The following TMPRSS4 variants were observed in gnomAD, a reference collection of about 807,000 sequenced individuals.
TMPRSS4 encodes the protein transmembrane serine protease 4, also known as transmembrane protease serine 4.
In TMPRSS4, 45 loss-of-function variants were observed where a neutral mutation model predicts 56.4. That is an observed-to-expected ratio of 0.80 (90% confidence interval 0.63 to 1.02). TMPRSS4 has a LOEUF of 1.02. Ranked by LOEUF, TMPRSS4 falls within the 50% of genes least tolerant of loss-of-function variation. The pLI, the probability that TMPRSS4 is intolerant of heterozygous loss-of-function variation, is 0.00. For synonymous variants in TMPRSS4, 205 were observed against 211.0 expected (o/e 0.97, Z 0.25); for missense variants, 546 against 556.7 (o/e 0.98, Z 0.19).
chr11:118,103,393 T>TTTGTTTGTTTGC (rs768586032), intron 4 of TMPRSS4, 140 bp downstream of exon 4: 1 of 1,159,070 alleles, frequency 8.6e-7, no homozygotes, highest in Non-Finnish European at 1.2e-6. Flanking sequence ...TGTTTGTTTG[T>TTTGTTTGTTTGC]TGTTGTTTTG....
chr11:118,118,337 G>T lies in TMPRSS4; in HGVS notation c.*424G>T, dbSNP rs1947673578. ...CCCATCCCCAAGCCTACTAGAGCAA[G>T]AAACCAGTTGTAATATAAAATGCAC... is the stretch of plus-strand genomic sequence containing the variant. On this transcript the variant is annotated 3_prime_UTR_variant, in exon 13 of 13. Coordinates refer to ENST00000437212, the MANE Select transcript of TMPRSS4 (RefSeq NM_019894.4). The T allele has an allele frequency of 1.9e-6, 2 of 1,043,940 alleles. No individual in the cohort carries two copies. The highest frequency in any genetic ancestry group is 2.3e-6 in the Non-Finnish European group (2 of 868,444). 64.7% of individuals were successfully genotyped at this position (1,043,940 alleles called of 1,614,324 possible).
At chr11:118,117,663 G>T in intron 12 of TMPRSS4, 1 of 985,310 alleles carries the variant, frequency 1.0e-6, no homozygotes, top group South Asian at 4.7e-5. Flanking sequence ...ATACCTTAGG[G>T]AATAGAACAC....
chr11:118,090,544 C>T lies in TMPRSS4; in HGVS notation c.4-4272C>T, dbSNP rs1044807027. Among the ~76,000 whole-genome samples, 16 of 149,082 alleles carry T rather than the reference C, an allele frequency of 1.1e-4. 1 individual carries two copies. The South Asian group carries it at 3.0e-3, about 28-fold the overall frequency. ...GTAATCCCAGAACTTTGGGAGGCTGCGGTGGGCAGATCATTTGAGTCCAGG... is the reference window on the plus strand; with the variant it reads ...GTAATCCCAGAACTTTGGGAGGCTGTGGTGGGCAGATCATTTGAGTCCAGG... On this transcript the variant is annotated intron_variant, in intron 1 of 12. Transcript: ENST00000437212.
At chr11:118,078,161 C>T (rs1051650404) in intron 1 of TMPRSS4, among the ~76,000 whole-genome samples, 2 of 151,852 alleles carry the variant, frequency 1.3e-5, no homozygotes, top group Non-Finnish European at 2.9e-5. Context: ...CTCTGAATAC[C>T]TGGAGCGTCT....
At chr11:118,123,585 C>A (rs570112928), downstream of TMPRSS4, among the ~76,000 whole-genome samples, 32 of 152,218 alleles carry the variant, frequency 2.1e-4, no homozygotes, top group South Asian at 4.6e-3. Flanking sequence ...TGCAGTGGCA[C>A]CATCTCGGCT....
intron 4 of TMPRSS4, among the ~76,000 whole-genome samples, chr11:118,103,973 A>C (rs998397046): frequency 6.6e-6 from 1 of 152,172 alleles, no homozygotes; most frequent in Non-Finnish European, 1.5e-5. Flanking sequence ...GTGTTTGCTG[A>C]GACATGCTAT....
Position 118,114,936 on chromosome 11 carries a change from T to C in TMPRSS4, c.1009+9T>C. ...TACGAAGCAGAATGGAGGTAAGTCC[T>C]GGGTGCAGGACCACAGGGCAGGAGA... On this transcript the variant is annotated intron_variant, in intron 10 of 12. Transcript: ENST00000437212. 2 of 1,593,290 alleles carry C rather than the reference T, an allele frequency of 1.3e-6. No individual in the cohort carries two copies. Among genetic ancestry groups the C allele is most frequent in the Non-Finnish European group, 8.6e-7 (1 of 1,168,984 alleles).
chr11:118,117,322 C>T lies in TMPRSS4; in HGVS notation c.1170C>T (p.Pro390=). The T allele has an allele frequency of 6.2e-7, 1 of 1,614,078 alleles. No individual in the cohort carries two copies. The highest frequency in any genetic ancestry group is 8.5e-7 in the Non-Finnish European group (1 of 1,180,004). Residue 390 remains proline, a synonymous_variant, in exon 12 of 13, where the codon CCC becomes CCT. Transcript: ENST00000437212. ...VDTCQGDSGG[P]LMYQSDQWHV... ...TCTCACAGGGTGACAGTGGTGGGCC[C>T]CTGATGTACCAATCTGACCAGTGGC...
chr11:118,103,202 G>A lies in TMPRSS4; in HGVS notation c.259G>A (p.Glu87Lys). Residue 87 changes from glutamate (E) to lysine (K), a missense_variant, in exon 4 of 13, where the codon GAG becomes AAG. Transcript: ENST00000437212. ...CGGAGAGCTGGACTGTCCCTTGGGGGAGGACGAGGAGCACTGTGTCAAGAG... is the reference window on the plus strand; with the variant it reads ...CGGAGAGCTGGACTGTCCCTTGGGGAAGGACGAGGAGCACTGTGTCAAGAG... ...CDGELDCPLG[E>K]DEEHCVKSFP... 3.7e-6 allele frequency: 6 copies of A among 1,614,236 alleles called. No individual in the cohort carries two copies. The highest frequency in any genetic ancestry group is 5.1e-6 in the Non-Finnish European group (6 of 1,180,042).
At chr11:118,122,624 C>A (rs562434539), downstream of TMPRSS4, among the ~76,000 whole-genome samples, 10 of 152,328 alleles carry the variant, frequency 6.6e-5, no homozygotes, top group Middle Eastern at 6.8e-3. Flanking sequence ...CACTATTCTG[C>A]TTTGCCATAG....
intron 1 of TMPRSS4, among the ~76,000 whole-genome samples, chr11:118,085,886 C>A (rs1335299501): frequency 2.0e-5 from 3 of 152,196 alleles, no homozygotes; most frequent in Non-Finnish European, 4.4e-5. Flanking sequence ...CACTCTGGAA[C>A]AGAGGGAAAG....
chr11:118,103,349 C>T, intron 4 of TMPRSS4, 96 bp downstream of exon 4: 4 of 1,352,316 alleles, frequency 3.0e-6, no homozygotes, highest in Non-Finnish European at 4.0e-6. Flanking sequence ...CCCTACTTGT[C>T]ACTTTTCATC....
At chr11:118,107,899 C>T in intron 6 of TMPRSS4, 24 bp downstream of exon 6, 2 of 1,593,980 alleles carry the variant, frequency 1.3e-6, no homozygotes, top group Non-Finnish European at 1.7e-6. Context: ...CACCTTCTGG[C>T]CTACAGAAGG....
At chr11:118,084,348 C>T (rs941088207) in intron 1 of TMPRSS4, among the ~76,000 whole-genome samples, 1 of 152,158 alleles carries the variant, frequency 6.6e-6, no homozygotes, top group Admixed American at 6.5e-5. Context: ...AAGCACTCGA[C>T]GAGTTATGTG....
At chr11:118,124,316 C>A (rs146901268), downstream of TMPRSS4, among the ~76,000 whole-genome samples, 2 of 151,976 alleles carry the variant, frequency 1.3e-5, no homozygotes. Flanking sequence ...ACCCGGGAGG[C>A]GGAGGTTGCA....
At chr11:118,090,475 G>A (rs1313705739) in intron 1 of TMPRSS4, among the ~76,000 whole-genome samples, 3 of 151,960 alleles carry the variant, frequency 2.0e-5, no homozygotes, top group Non-Finnish European at 2.9e-5. Flanking sequence ...TCAGTGAATA[G>A]CAATTGAAAA....
chr11:118,094,905 G>C, intron 2 of TMPRSS4, 50 bp downstream of exon 2: 1 of 1,597,378 alleles, frequency 6.3e-7, no homozygotes, highest in Non-Finnish European at 8.5e-7. Context: ...CTGAGTTTCA[G>C]CTACCAAGTA....
chr11:118,104,385 C>G (rs1338663690), intron 4 of TMPRSS4, among the ~76,000 whole-genome samples: 1 of 151,890 alleles, frequency 6.6e-6, no homozygotes, highest in African/African-American at 2.4e-5. Context: ...GTAGAGTGAC[C>G]ACATAATTGA....
At chr11:118,113,131 C>A in intron 8 of TMPRSS4, 138 bp from the exon 9 acceptor site, 1 of 798,604 alleles carries the variant, frequency 1.3e-6, no homozygotes, top group Non-Finnish European at 1.9e-6. Context: ...CCTTCTCCAC[C>A]ATCCCTGCCT....
Sources: allele counts gnomAD v4.1 joint callset (sites outside exome capture counted in the v4.1 genomes callset), GRCh38; gene constraint gnomAD v4.1.1; transcripts MANE v1.5; gene names NCBI Gene and HGNC (gene_info 2026-07-23, HGNC 2026-07-21).